Variants in RALGAPA1 observed in about 807,000 individuals in gnomAD.
RALGAPA1 encodes ral GTPase-activating protein subunit alpha-1.
RALGAPA1 carries 52 observed loss-of-function variants against 269.6 expected under a neutral mutation model. The ratio of observed to expected loss-of-function variants is 0.19; its 90% CI spans 0.15 to 0.24. The LOEUF (loss-of-function observed/expected upper bound fraction) is 0.24, where lower values mean the gene tolerates loss of function less well. Among genes scored for constraint, RALGAPA1 ranks in the 10% least tolerant of loss-of-function variants. RALGAPA1 has a pLI of 1.00. For missense variants in RALGAPA1, 1,917 were observed against 3,013.9 expected, an observed-to-expected ratio of 0.64 and a Z score of 8.52; for synonymous variants, 817 against 1,008.3, an observed-to-expected ratio of 0.81 and a Z score of 3.60.
intron 39 of RALGAPA1, among the ~76,000 whole-genome samples, chr14:35,554,722 T>C (rs2055427583): frequency 6.6e-6 from 1 of 152,212 alleles, no homozygotes; most frequent in African/African-American, 2.4e-5. Context: ...ATGTTACTTC[T>C]TCACTTTAGA....
chr14:35,642,692 T>C (rs199719550), intron 31 of RALGAPA1, among the ~76,000 whole-genome samples: 2 of 152,262 alleles, frequency 1.3e-5, no homozygotes, highest in East Asian at 3.9e-4. Flanking sequence ...AAACAACAGG[T>C]GCTGGAGAGG....
At chr14:35,784,651 C>T (rs2075678182) in intron 1 of RALGAPA1, among the ~76,000 whole-genome samples, 1 of 152,060 alleles carries the variant, frequency 6.6e-6, no homozygotes, top group Non-Finnish European at 1.5e-5. Flanking sequence ...AAAGAATTAA[C>T]CTAAAAAGAA....
At chr14:35,644,164 C>A (rs372998642) in intron 31 of RALGAPA1, among the ~76,000 whole-genome samples, 1 of 152,116 alleles carries the variant, frequency 6.6e-6, no homozygotes, top group African/African-American at 2.4e-5. Flanking sequence ...AATATATACA[C>A]CTACTATGTA....
rs1282374814 is a variant in RALGAPA1 at position 35,702,743 on chromosome 14, AT to A, written c.2267-2442del. Among the ~76,000 whole-genome samples the A allele has an allele frequency of 6.7e-3, 950 of 141,770 alleles. 1 individual carries two copies. The highest frequency in any genetic ancestry group is 0.018 in the African/African-American group (684 of 38,922). 93.0% of individuals were successfully genotyped at this position (141,770 alleles called of 152,430 possible). ...AAAAAAAAAATATATATATATATAC[AT>A]TTTTTTTTTTTTTGAGACGGAGTCT... On this transcript the variant is annotated intron_variant, in intron 16 of 41. Coordinates refer to ENST00000680220, the MANE Select transcript of RALGAPA1 (RefSeq NM_001346249.2).
chr14:35,731,181 G>A (rs750502566), intron 12 of RALGAPA1, among the ~76,000 whole-genome samples: 1 of 152,168 alleles, frequency 6.6e-6, no homozygotes, highest in Non-Finnish European at 1.5e-5. Context: ...CATAGGAAAA[G>A]GGGGAGAGTA....
At chr14:35,547,157 C>A (rs556381254) in intron 41 of RALGAPA1, among the ~76,000 whole-genome samples, 28 of 152,170 alleles carry the variant, frequency 1.8e-4, no homozygotes, top group African/African-American at 6.7e-4. Context: ...AAATCTGTAG[C>A]ACAATATTAG....
intron 37 of RALGAPA1, among the ~76,000 whole-genome samples, chr14:35,590,277 C>T (rs558211821): frequency 2.6e-5 from 4 of 152,144 alleles, no homozygotes; most frequent in African/African-American, 4.8e-5. Context: ...CTAATTAGTA[C>T]CCATATATTA....
chr14:35,542,052 GA>G (rs1018995579), intron 41 of RALGAPA1: 23 of 1,199,266 alleles, frequency 1.9e-5, no homozygotes, highest in Non-Finnish European at 2.4e-5. Flanking sequence ...GTTCAAATAG[GA>G]AAAAAGAAAA....
chr14:35,573,552 G>A (rs1266549127), intron 37 of RALGAPA1, among the ~76,000 whole-genome samples: 1 of 152,066 alleles, frequency 6.6e-6, no homozygotes, highest in Non-Finnish European at 1.5e-5. Flanking sequence ...CAATATTTAC[G>A]CTATCAGCTA....
chr14:35,549,818 A>G (rs1278237583), intron 39 of RALGAPA1, among the ~76,000 whole-genome samples: 1 of 152,138 alleles, frequency 6.6e-6, no homozygotes, highest in South Asian at 2.1e-4. Context: ...GAATAACTCC[A>G]TGTGGTTAAG....
intron 36 of RALGAPA1, among the ~76,000 whole-genome samples, chr14:35,600,958 C>T (rs2059253001): frequency 6.6e-6 from 1 of 152,156 alleles, no homozygotes; most frequent in African/African-American, 2.4e-5. Flanking sequence ...GAAGACTCTG[C>T]TGTATGCGGG....
At chr14:35,741,455 T>C (rs901162642) in intron 11 of RALGAPA1, among the ~76,000 whole-genome samples, 3 of 151,962 alleles carry the variant, frequency 2.0e-5, no homozygotes, top group Admixed American at 6.6e-5. Context: ...TGTGTATATA[T>C]ACATATACAC....
intron 13 of RALGAPA1, 89 bp downstream of exon 13, chr14:35,728,273 C>A: frequency 1.7e-6 from 2 of 1,209,734 alleles, no homozygotes; most frequent in Non-Finnish European, 1.1e-6. Context: ...TGTAAACAAA[C>A]CCTCTTCACA....
At chr14:35,770,059 A>G (rs2074499973) in intron 4 of RALGAPA1, among the ~76,000 whole-genome samples, 1 of 152,206 alleles carries the variant, frequency 6.6e-6, no homozygotes, top group Non-Finnish European at 1.5e-5. Flanking sequence ...AGGACTATAA[A>G]TAGTGAGTAA....
intron 1 of RALGAPA1, among the ~76,000 whole-genome samples, chr14:35,794,910 C>A (rs2076451315): frequency 6.6e-6 from 1 of 152,090 alleles, no homozygotes; most frequent in Admixed American, 6.5e-5. Flanking sequence ...TACAGAAAGA[C>A]ATTTTTTACT....
intron 27 of RALGAPA1, among the ~76,000 whole-genome samples, chr14:35,660,939 G>C (rs1330044267): frequency 3.3e-5 from 5 of 152,144 alleles, no homozygotes; most frequent in African/African-American, 1.2e-4. Context: ...GCAGAGAGTA[G>C]AACGGTAGTT....
chr14:35,791,638 G>A (rs1174071521), intron 1 of RALGAPA1, among the ~76,000 whole-genome samples: 1 of 151,568 alleles, frequency 6.6e-6, no homozygotes, highest in African/African-American at 2.4e-5. Flanking sequence ...TGGGCACGGT[G>A]GCTCACACCT....
chr14:35,678,646 T>A (rs903035662), intron 21 of RALGAPA1, among the ~76,000 whole-genome samples: 5 of 152,180 alleles, frequency 3.3e-5, no homozygotes, highest in African/African-American at 1.2e-4. Flanking sequence ...GGCCCCTCAC[T>A]GGCCTCAGCA....
chr14:35,746,481 G>A (rs1051078358), intron 10 of RALGAPA1, among the ~76,000 whole-genome samples: 8 of 152,056 alleles, frequency 5.3e-5, no homozygotes, highest in African/African-American at 1.2e-4. Context: ...GTAATCATCC[G>A]CAATGTACAG....
Sources: allele counts gnomAD v4.1 joint callset (sites outside exome capture counted in the v4.1 genomes callset), GRCh38; gene constraint gnomAD v4.1.1; transcripts MANE v1.5; gene names NCBI Gene and HGNC (gene_info 2026-07-23, HGNC 2026-07-21).